The following ERI2 variants were observed in gnomAD, a reference collection of about 807,000 sequenced individuals.
ERI2 encodes ERI1 exoribonuclease family member 2.
A neutral mutation model predicts 46.8 loss-of-function variants in ERI2; 35 were observed. That is an observed-to-expected ratio of 0.75 (90% confidence interval 0.57 to 0.99). The LOEUF (loss-of-function observed/expected upper bound fraction) is 0.99. ERI2 is among the 50% of genes least tolerant of loss of function. ERI2 has a pLI of 0.00. For missense variants in ERI2, 695 were observed against 796.2 expected, an observed-to-expected ratio of 0.87 and a Z score of 1.53; for synonymous variants, 224 against 271.0, an observed-to-expected ratio of 0.83 and a Z score of 1.70.
Position 20,806,338 on chromosome 16 carries a change from C to T in ERI2, c.23+70G>A, listed in dbSNP as rs2080872075. The T allele has an allele frequency of 3.9e-6, 6 of 1,541,550 alleles. No individual in the cohort carries two copies. The South Asian group carries it at 7.2e-5, about 18-fold the overall frequency. On this transcript the variant is annotated intron_variant, in intron 1 of 8. Coordinates refer to ENST00000357967, the MANE Select transcript of ERI2 (RefSeq NM_001142725.2). ...TCACCGCAGATGCCACCTGCCGTGC[C>T]CTGCTCTGCGGCCAACGCCAGCGCT... is the stretch of plus-strand genomic sequence containing the variant.
chr16:20,786,790 C>G (rs2080483526), intron 10 of ERI2, among the ~76,000 whole-genome samples: 1 of 152,200 alleles, frequency 6.6e-6, no homozygotes, highest in Non-Finnish European at 1.5e-5. Flanking sequence ...AAAGAACTCA[C>G]CAGAAGTCAC....
At chr16:20,785,999 T>G (rs1479418930) in intron 10 of ERI2, 46 of 958,068 alleles carry the variant, frequency 4.8e-5, no homozygotes, top group Non-Finnish European at 6.8e-5. Flanking sequence ...AATAAATAAT[T>G]TGTTGAATGA....
intron 10 of ERI2, among the ~76,000 whole-genome samples, chr16:20,783,830 C>T (rs1034896916): frequency 5.5e-5 from 8 of 144,758 alleles, no homozygotes; most frequent in South Asian, 2.1e-4. Context: ...TTTTTTGAGA[C>T]GGAGTCTTGC....
downstream of ERI2, chr16:20,796,188 C>G (rs920051971): frequency 1.0e-4 from 105 of 1,052,110 alleles, no homozygotes; most frequent in South Asian, 1.6e-3. Flanking sequence ...CCCAGAAGCT[C>G]TCCTGTATTA....
At chr16:20,806,190 G>C in intron 1 of ERI2, 1 of 1,394,684 alleles carries the variant, frequency 7.2e-7, no homozygotes, top group Non-Finnish European at 9.3e-7. Context: ...GTCCGCCTCG[G>C]GCTCCTGTCA....
At chr16:20,788,228 A>C (rs1214936732) in intron 10 of ERI2, among the ~76,000 whole-genome samples, 1 of 152,208 alleles carries the variant, frequency 6.6e-6, no homozygotes, top group Non-Finnish European at 1.5e-5. Context: ...GAAGAAAGAA[A>C]TATTGATAAT....
downstream of ERI2, among the ~76,000 whole-genome samples, chr16:20,793,635 C>G (rs766552250): frequency 6.6e-6 from 1 of 152,190 alleles, no homozygotes; most frequent in South Asian, 2.1e-4. Context: ...CCAGATATAG[C>G]CCAGTGGCTG....
chr16:20,799,608 G>T, intron 7 of ERI2: 1 of 483,798 alleles, frequency 2.1e-6, no homozygotes, highest in African/African-American at 2.0e-5. Flanking sequence ...TCCCCAAAAT[G>T]TGGCCAGCGT....
At chr16:20,788,484 T>G (rs916932) in intron 10 of ERI2, among the ~76,000 whole-genome samples, 93,815 of 151,364 alleles carry the variant, frequency 0.62, 30,140 homozygotes, top group Non-Finnish European at 0.72. Context: ...ACAGTACTTT[T>G]TCTGCATCCC....
chr16:20,792,014 A>G, downstream of ERI2: 1 of 1,614,114 alleles, frequency 6.2e-7, no homozygotes, highest in Non-Finnish European at 8.5e-7. Flanking sequence ...TAATCCTTCA[A>G]AAACAGCTTC....
chr16:20,798,122 ATGATGTAGGCT>A lies in ERI2; in HGVS notation c.1667_1677del (p.Lys556IlefsTer2). On this transcript the variant is annotated frameshift_variant, in exon 9 of 9. Transcript: ENST00000357967. LOFTEE classifies it high-confidence loss of function. ...GAACTTCTTACTGGGGAGCAATCAG[ATGATGTAGGCT>A]TTTCTTCATGAATAGTGAAGGGTTG... 6.4e-7 allele frequency: 1 copy of A among 1,551,574 alleles called. No individual in the cohort carries two copies. Among genetic ancestry groups the A allele is most frequent in the Non-Finnish European group, 8.7e-7 (1 of 1,146,912 alleles).
chr16:20,781,758 C>T (rs189867767), intron 10 of ERI2: 27 of 1,612,710 alleles, frequency 1.7e-5, no homozygotes, highest in Admixed American at 1.0e-4. Context: ...CAACTGTATA[C>T]CGAATGCTTG....
In ERI2 at chr16:20,798,953, G is replaced by T; in HGVS notation, c.847C>A (p.Pro283Thr). 1 of 1,550,556 alleles carries T rather than the reference G, an allele frequency of 6.4e-7. No individual in the cohort carries two copies. Among genetic ancestry groups the T allele is most frequent in the Non-Finnish European group, 8.7e-7 (1 of 1,146,704 alleles). The change falls in exon 9 of 9, where the codon CCT (proline) becomes ACT (threonine). Residue 283 changes from proline to threonine, a missense_variant. Pro to Thr is a conservative substitution (Grantham distance 38). Coordinates refer to ENST00000357967, the MANE Select transcript of ERI2 (RefSeq NM_001142725.2). ...TCATGAGGATTTATTATATTTTTAGGCTCCTTATTATATATGCTGGGACCC... is the reference window on the plus strand; with the variant it reads ...TCATGAGGATTTATTATATTTTTAGTCTCCTTATTATATATGCTGGGACCC... ...IQGPSIYNKE[P>T]KNIINPHEKV... is the part of the protein sequence containing the mutation.
intron 1 of ERI2, 135 bp downstream of exon 1, chr16:20,806,273 G>T: frequency 6.9e-7 from 1 of 1,448,334 alleles, no homozygotes; most frequent in South Asian, 1.4e-5. Flanking sequence ...TGCCAGAGAG[G>T]GCAGGTCGCA....
chr16:20,803,243 A>C (rs1393876128), intron 3 of ERI2, among the ~76,000 whole-genome samples, 190 bp downstream of exon 3: 49 of 152,254 alleles, frequency 3.2e-4, no homozygotes, highest in Non-Finnish European at 1.5e-5. Context: ...ATGTAATATA[A>C]AACAACTATT....
chr16:20,796,254 T>G, downstream of ERI2: 7 of 1,470,654 alleles, frequency 4.8e-6, no homozygotes, highest in Non-Finnish European at 6.3e-6. Flanking sequence ...CAAACTTTAT[T>G]AAAACACACT....
chr16:20,792,816 G>A (rs1364010948), downstream of ERI2: 2 of 606,210 alleles, frequency 3.3e-6, no homozygotes, highest in African/African-American at 4.0e-5. Context: ...GAGATTTCAG[G>A]AAATAAACTC....
downstream of ERI2, among the ~76,000 whole-genome samples, chr16:20,791,569 A>C (rs969020782): frequency 5.3e-5 from 8 of 152,250 alleles, no homozygotes; most frequent in East Asian, 1.2e-3. Flanking sequence ...TTCACAATCT[A>C]TCTCTTCCTA....
At chr16:20,789,363 A>C in intron 10 of ERI2, 1 of 774,974 alleles carries the variant, frequency 1.3e-6, no homozygotes, top group Non-Finnish European at 2.2e-6. Context: ...TTAAAGGTTT[A>C]GCATTAATTA....
Sources: allele counts gnomAD v4.1 joint callset (sites outside exome capture counted in the v4.1 genomes callset), GRCh38; gene constraint gnomAD v4.1.1; transcripts MANE v1.5; gene names NCBI Gene and HGNC (gene_info 2026-07-23, HGNC 2026-07-21).